The following ANKRD36C variants were observed in gnomAD, a reference collection of about 807,000 sequenced individuals.
The protein encoded by ANKRD36C is ankyrin repeat domain 36C, also known as ankyrin repeat domain-containing protein 36C.
A neutral mutation model predicts 276.4 loss-of-function variants in ANKRD36C; 61 were observed. The observed-to-expected ratio is 0.22, with a 90% confidence interval of 0.18 to 0.27. The LOEUF (loss-of-function observed/expected upper bound fraction) is 0.27, where lower values mean the gene tolerates loss of function less well. ANKRD36C is among the 10% of genes least tolerant of loss of function. The pLI is 1.00. For synonymous variants in ANKRD36C, 483 were observed against 680.1 expected, an observed-to-expected ratio of 0.71 and a Z score of 4.51; for missense variants, 1,447 against 2,032.3, an observed-to-expected ratio of 0.71 and a Z score of 5.54.
chr2:95,891,972 C>T (rs1367628775), intron 44 of ANKRD36C, 112 bp from the exon 65 acceptor site: 12 of 1,505,500 alleles, frequency 8.0e-6, no homozygotes, highest in South Asian at 1.2e-5. Context: ...TTAGCGTAGG[C>T]TTTGATGGCT....
chr2:95,883,984 TC>T (rs1676142972), intron 54 of ANKRD36C, among the ~76,000 whole-genome samples, 188 bp downstream of exon 74: 1 of 152,130 alleles, frequency 6.6e-6, no homozygotes, highest in East Asian at 1.9e-4. Context: ...AAGTCTATAA[TC>T]TTACTTCGAA....
chr2:95,953,153 C>G (rs1678242867), intron 14 of ANKRD36C, among the ~76,000 whole-genome samples: 1 of 152,044 alleles, frequency 6.6e-6, no homozygotes, highest in African/African-American at 2.4e-5. Context: ...AAAGTATACT[C>G]TAAATAAAAA....
At chr2:95,979,213 C>T (rs1177764365) in intron 5 of ANKRD36C, among the ~76,000 whole-genome samples, 3 of 151,996 alleles carry the variant, frequency 2.0e-5, no homozygotes, top group Non-Finnish European at 4.4e-5. Context: ...TAATATAAGG[C>T]CACCCATTTT....
At chr2:95,863,755 A>G (rs1442911025) in intron 60 of ANKRD36C, among the ~76,000 whole-genome samples, 1 of 152,166 alleles carries the variant, frequency 6.6e-6, no homozygotes, top group Non-Finnish European at 1.5e-5. Context: ...TACTTACTGT[A>G]TGGTTCCAAC....
intron 63 of ANKRD36C, among the ~76,000 whole-genome samples, 197 bp downstream of exon 83, chr2:95,855,068 CA>C (rs1274413967): frequency 6.6e-6 from 1 of 152,088 alleles, no homozygotes; most frequent in East Asian, 1.9e-4. Flanking sequence ...ATAAGTGACA[CA>C]TTAACTTTAA....
At chr2:95,971,266 A>C (rs1678690654) in intron 6 of ANKRD36C, among the ~76,000 whole-genome samples, 1 of 141,832 alleles carries the variant, frequency 7.1e-6, no homozygotes, top group Admixed American at 7.2e-5. Flanking sequence ...TTTATTATAC[A>C]TTTGTCCAGC....
exon 3 of ANKRD36C, chr2:95,986,764 T>G (rs1401137648): frequency 7.4e-6 from 12 of 1,611,476 alleles, no homozygotes; most frequent in Non-Finnish European, 9.3e-6. Flanking sequence ...GCTGCATTCT[T>G]CAATATTTGC....
At chr2:95,916,276 G>A (rs1677093705) in intron 36 of ANKRD36C, 105 bp from the exon 39 acceptor site, 12 of 1,554,024 alleles carry the variant, frequency 7.7e-6, no homozygotes, top group Admixed American at 1.8e-5. Flanking sequence ...GCCTGTATTA[G>A]TGGAGGCTTT....
intron 6 of ANKRD36C, among the ~76,000 whole-genome samples, chr2:95,964,523 A>G (rs1678547320): frequency 6.6e-6 from 1 of 152,080 alleles, no homozygotes; most frequent in South Asian, 2.1e-4. Flanking sequence ...ACATTTGTAC[A>G]ATCCCATTCT....
At chr2:95,929,424 T>C (rs1246591521) in intron 24 of ANKRD36C, among the ~76,000 whole-genome samples, 157 bp from the exon 25 acceptor site, 1 of 151,354 alleles carries the variant, frequency 6.6e-6, no homozygotes, top group Non-Finnish European at 1.5e-5. Context: ...GGACTAAACA[T>C]GAAGGAAATA....
intron 42 of ANKRD36C, among the ~76,000 whole-genome samples, 181 bp downstream of exon 50, chr2:95,906,450 C>T (rs1676761234): frequency 8.6e-6 from 1 of 116,736 alleles, no homozygotes; most frequent in South Asian, 2.5e-4. Context: ...TATAATCTTA[C>T]AGTGAAGATC....
At chr2:95,879,411 C>G (rs138562995) in intron 58 of ANKRD36C, among the ~76,000 whole-genome samples, 2 of 151,272 alleles carry the variant, frequency 1.3e-5, no homozygotes, top group South Asian at 4.2e-4. Context: ...CTACAGTCAG[C>G]AATAACTTGT....
intron 32 of ANKRD36C, among the ~76,000 whole-genome samples, chr2:95,922,835 G>C (rs1279637832): frequency 2.0e-5 from 3 of 151,720 alleles, no homozygotes; most frequent in East Asian, 2.0e-4. Context: ...TAGTAGCAAA[G>C]AGAAGTAATT....
At position 95,919,631 on chromosome 2, in the gene ANKRD36C, C is replaced by A. The variant is rs1209413373; in HGVS notation, c.2246-1589G>T. ...AGGCCTGCTGAATCAGAATGTGCAG[C>A]TTCGGCGACTCCCCCCACCCACCCT... On this transcript the variant is annotated intron_variant, in intron 34 of 66. Transcript: ENST00000456556. 2.2e-4 allele frequency: 133 copies of A among 609,084 alleles called. 11 individuals are homozygous for A. The highest frequency in any genetic ancestry group is 1.5e-3 in the East Asian group (8 of 5,216). 37.7% of individuals were successfully genotyped at this position (609,084 alleles called of 1,614,324 possible).
At chr2:95,853,528 TTAA>T (rs1349596183) in intron 64 of ANKRD36C, 178 bp downstream of exon 84, 1 of 493,612 alleles carries the variant, frequency 2.0e-6, no homozygotes, top group Non-Finnish European at 3.3e-6. Flanking sequence ...TAATAAAATC[TTAA>T]TAAAATTAAT....
At chr2:95,917,791 C>G in intron 36 of ANKRD36C, 64 bp downstream of exon 38, 1 of 1,537,274 alleles carries the variant, frequency 6.5e-7, no homozygotes, top group Non-Finnish European at 8.8e-7. Context: ...CTGATTTATT[C>G]AGGGTAGAGA....
intron 6 of ANKRD36C, among the ~76,000 whole-genome samples, chr2:95,972,891 G>A (rs543317250): frequency 5.9e-5 from 9 of 152,096 alleles, no homozygotes; most frequent in Admixed American, 5.9e-4. Flanking sequence ...AAAGCTTCTA[G>A]AAGAGAAACA....
At chr2:95,917,255 G>T (rs1403554073) in intron 36 of ANKRD36C, among the ~76,000 whole-genome samples, 3 of 151,556 alleles carry the variant, frequency 2.0e-5, no homozygotes, top group Non-Finnish European at 4.4e-5. Context: ...AGTTCCTGGA[G>T]CTGCCAAAAT....
rs759065098 is a variant in ANKRD36C, at chr2:95,982,321, T to A, written c.528A>T (p.Lys176Asn). 13 of 1,550,542 alleles carry A rather than the reference T, an allele frequency of 8.4e-6. No homozygotes were observed. In the Admixed American group the frequency reaches 1.2e-4, roughly 14 times the overall value. ...TTAATAAAAATTCCACCATTTTCAC[T>A]TTTCTTTGACTCACAGCAAGGAACA... Residue 176 changes from lysine to asparagine, a missense_variant, in exon 4 of 67, where the codon AAA (lysine) becomes AAT (asparagine). Coordinates refer to ENST00000456556, the Ensembl canonical transcript of ANKRD36C.
Sources: gnomAD v4.1 joint callset for allele counts (sites outside exome capture counted in the v4.1 genomes callset) on GRCh38, gnomAD v4.1.1 for gene constraint, MANE v1.5 for transcripts, NCBI Gene and HGNC (gene_info 2026-07-23, HGNC 2026-07-21) for gene names.